Variants in OTOF observed in about 807,000 individuals in gnomAD.
OTOF encodes otoferlin.
Under a neutral mutation model 236.8 loss-of-function variants are expected in OTOF, and 218 were observed. The ratio of observed to expected loss-of-function variants is 0.92; its 90% confidence interval spans 0.82 to 1.03. The LOEUF (loss-of-function observed/expected upper bound fraction) is 1.03. OTOF is among the 50% of genes least tolerant of loss of function. The pLI is 0.00. For synonymous variants in OTOF, 1,041 were observed against 1,072.5 expected (o/e 0.97, Z 0.57); for missense variants, 2,590 against 2,694.4 (o/e 0.96, Z 0.86).
chr2:26,465,825 G>A lies in OTOF; in HGVS notation c.4646C>T (p.Ala1549Val). 6.2e-7 allele frequency: 1 copy of A among 1,614,248 alleles called. No individual in the cohort carries two copies. The highest frequency in any genetic ancestry group is 1.6e-4 in the Middle Eastern group (1 of 6,062). ...CAGCATGGATTCCATGGGGAAGGAG[G>A]CCTCGATGTCAAAGGACCTGGTGGG... ...PVFGKSFDIE[A>V]SFPMESMLTV... Residue 1549 changes from alanine to valine, a missense_variant, in exon 38 of 47, where the codon GCC becomes GTC. Physicochemically the swap from Ala to Val is moderately conservative, Grantham distance 64 (BLOSUM62 0). Transcript: ENST00000272371.
chr2:26,503,210 C>T (rs955504743), intron 6 of OTOF, among the ~76,000 whole-genome samples: 2 of 152,234 alleles, frequency 1.3e-5, no homozygotes, highest in African/African-American at 4.8e-5. Context: ...CTCTCCATTT[C>T]TCCCCTTGTC....
At chr2:26,532,648 T>C (rs1666977929) in intron 2 of OTOF, among the ~76,000 whole-genome samples, 1 of 152,034 alleles carries the variant, frequency 6.6e-6, no homozygotes, top group Non-Finnish European at 1.5e-5. Context: ...GTAGTACAGA[T>C]AGGGAGGGAA....
intron 3 of OTOF, among the ~76,000 whole-genome samples, chr2:26,522,960 C>T (rs1242829964): frequency 6.6e-6 from 1 of 152,232 alleles, no homozygotes; most frequent in Non-Finnish European, 1.5e-5. Context: ...AAGATCCCCA[C>T]GTAATTAGCC....
At chr2:26,458,545 C>A (rs1324921010) in intron 46 of OTOF, among the ~76,000 whole-genome samples, 1 of 152,154 alleles carries the variant, frequency 6.6e-6, no homozygotes. Context: ...TGTGCTGCCC[C>A]ACGTCCTTGG....
At chr2:26,536,596 G>T (rs1158740457) in intron 2 of OTOF, among the ~76,000 whole-genome samples, 1 of 152,174 alleles carries the variant, frequency 6.6e-6, no homozygotes, top group Non-Finnish European at 1.5e-5. Context: ...TTCTGGAGGA[G>T]GGGGAGACAG....
rs146992345 is a variant in OTOF at position 26,460,795 on chromosome 2, T to G, written c.5713-48A>C. The G allele has an allele frequency of 3.4e-3, 5,543 of 1,613,284 alleles. 16 individuals are homozygous for G. The highest frequency in any genetic ancestry group is 4.1e-3 in the Non-Finnish European group (4,809 of 1,179,320). On this transcript the variant is annotated intron_variant, in intron 44 of 46. Coordinates refer to ENST00000272371, the MANE Select transcript of OTOF (RefSeq NM_194248.3). This position sits in a 1 kb window ranked among gnomAD's most constrained non-coding sequence, Gnocchi z 5.3. ...AGCGTCCAGGCTGCGTGCTGGGCCC[T>G]TGGCACCCCAGCCAGTCCCAGCCCT... is the stretch of plus-strand genomic sequence containing the variant.
At position 26,457,932 on chromosome 2, in the gene OTOF, G is replaced by C; in HGVS notation, c.*306C>G. ...AGGCAGGCTCGGCCCAAGGCATGAA[G>C]AGTGGACGCTGGGCTCCTCAGGCTC... On this transcript the variant is annotated 3_prime_UTR_variant, in exon 47 of 47. Transcript: ENST00000272371. The surrounding 1 kb of genome is among the most constrained non-coding windows in gnomAD (Gnocchi z 4.4). 1.7e-6 allele frequency: 2 copies of C among 1,148,422 alleles called. No homozygotes were observed. Among genetic ancestry groups the C allele is most frequent in the Non-Finnish European group, 2.5e-6 (2 of 797,642 alleles). 71.1% of individuals were successfully genotyped at this position (1,148,422 alleles called of 1,614,324 possible).
chr2:26,471,248 A>C, intron 30 of OTOF, 98 bp from the exon 31 acceptor site: 1 of 1,401,564 alleles, frequency 7.1e-7, no homozygotes, highest in South Asian at 1.2e-5. Context: ...GCCGAGATGG[A>C]AATTACTGTG....
chr2:26,470,463 G>T lies in OTOF; in HGVS notation c.4023+130C>A. The T allele has an allele frequency of 2.2e-6, 2 of 907,570 alleles. No individual in the cohort carries two copies. The highest frequency in any genetic ancestry group is 1.8e-6 in the Non-Finnish European group (1 of 553,258). The allele number at this position is 907,570 out of a possible 1,614,324, so 56.2% of individuals were successfully genotyped here. A position where few individuals can be genotyped will look rare whatever the true frequency, so the allele number is the denominator to read the frequency against. ...TTCTGAGCTAGGATTTCAAGGATGT[G>T]AGACAAAACCATCCCAAACTCACAT... is the stretch of plus-strand genomic sequence containing the variant. On this transcript the variant is annotated intron_variant, in intron 32 of 46. Transcript: ENST00000272371. The surrounding 1 kb of genome is among the most constrained non-coding windows in gnomAD (Gnocchi z 4.3).
intron 3 of OTOF, among the ~76,000 whole-genome samples, chr2:26,527,594 G>A (rs1666839709): frequency 6.6e-6 from 1 of 152,218 alleles, no homozygotes; most frequent in Non-Finnish European, 1.5e-5. Flanking sequence ...GGTGATAGGA[G>A]GGTGGAGTGT....
intron 9 of OTOF, among the ~76,000 whole-genome samples, chr2:26,492,043 C>T (rs1023016669): frequency 2.0e-5 from 3 of 152,092 alleles, no homozygotes; most frequent in South Asian, 2.1e-4. Flanking sequence ...TACATTCCCA[C>T]GACGAGGAGG....
intron 9 of OTOF, among the ~76,000 whole-genome samples, chr2:26,491,738 C>G (rs1467176544): frequency 6.6e-6 from 1 of 152,160 alleles, no homozygotes; most frequent in Admixed American, 6.5e-5. Flanking sequence ...CAGCTTGTTC[C>G]GGAAGGGCAA....
rs1558489450 is a variant in OTOF, at chr2:26,480,830, T to A, written c.1759A>T (p.Ser587Cys). The A allele has an allele frequency of 6.2e-7, 1 of 1,612,500 alleles. No homozygotes were observed. The highest frequency in any genetic ancestry group is 8.5e-7 in the Non-Finnish European group (1 of 1,179,886). The part of the protein sequence containing the change: ...IVDTSNPELT[S>C]STEVQVEQAT... The stretch of plus-strand genomic sequence containing the variant: ...TGCTCCACCTGCACCTCTGTGGAGC[T>A]GGTGAGCTCAGGGTTGGAGGTGTCT... Residue 587 changes from serine (S) to cysteine (C), a missense_variant, in exon 15 of 47, where the codon AGC becomes TGC. Ser to Cys is a moderately radical substitution (Grantham distance 112). Transcript: ENST00000272371.
rs532203640 is a variant in OTOF, at chr2:26,540,867, A to G, written c.80-3093T>C. 8.9e-4 allele frequency among the ~76,000 whole-genome samples: 135 copies of G among 152,376 alleles called. 1 individual carries two copies. Among genetic ancestry groups the G allele is most frequent in the African/African-American group, 3.1e-3 (131 of 41,592 alleles). On this transcript the variant is annotated intron_variant, in intron 1 of 46. Coordinates refer to ENST00000272371, the MANE Select transcript of OTOF (RefSeq NM_194248.3). ...TGGGAAAGAAAGAATGTTTAGCACCAGCCAGAGACATAAAAAACAAAAAAA... is the reference window on the plus strand; with the variant it reads ...TGGGAAAGAAAGAATGTTTAGCACCGGCCAGAGACATAAAAAACAAAAAAA...
intron 1 of OTOF, among the ~76,000 whole-genome samples, chr2:26,555,796 G>T (rs1196580229): frequency 1.3e-5 from 2 of 152,206 alleles, no homozygotes; most frequent in East Asian, 3.9e-4. Flanking sequence ...TCAGGGGCCA[G>T]CAGCTGCTCC....
chr2:26,548,075 T>A (rs1174215078), intron 1 of OTOF, among the ~76,000 whole-genome samples: 1 of 152,228 alleles, frequency 6.6e-6, no homozygotes, highest in Non-Finnish European at 1.5e-5. Flanking sequence ...TTGAGGTAAG[T>A]TATTGGTAAT....
At chr2:26,550,730 T>A (rs528999911) in intron 1 of OTOF, among the ~76,000 whole-genome samples, 2 of 152,306 alleles carry the variant, frequency 1.3e-5, no homozygotes, top group East Asian at 3.9e-4. Flanking sequence ...TGGCGCCTGC[T>A]GAGGCACTCA....
At chr2:26,485,261 C>T (rs906185263) in intron 11 of OTOF, among the ~76,000 whole-genome samples, 1 of 152,254 alleles carries the variant, frequency 6.6e-6, no homozygotes, top group Non-Finnish European at 1.5e-5. Context: ...CTGTCTTTCT[C>T]CCTATTCAAT....
Position 26,554,036 on chromosome 2 carries a change from T to C in OTOF, c.79+4457A>G, listed in dbSNP as rs373503417. ...AAATACAAAAATTAGTCGGGCATGG[T>C]GGCGTGTGCCTGTAGTCCCAGCTAC... On this transcript the variant is annotated intron_variant, in intron 1 of 46. Transcript: ENST00000272371. Among the ~76,000 whole-genome samples, 5 of 152,002 alleles carry C rather than the reference T, an allele frequency of 3.3e-5. No homozygotes were observed. In the East Asian group the frequency reaches 9.7e-4, roughly 29 times the overall value.
Sources: allele counts gnomAD v4.1 joint callset (sites outside exome capture counted in the v4.1 genomes callset), GRCh38; gene constraint gnomAD v4.1.1; non-coding constraint Gnocchi (gnomAD v3.1); transcripts MANE v1.5; gene names NCBI Gene and HGNC (gene_info 2026-07-23, HGNC 2026-07-21).